The following ZNF667 variants were observed in gnomAD, a reference collection of about 807,000 sequenced individuals.
ZNF667 encodes the protein zinc finger protein 667, also known as myocardial ischemic preconditioning upregulated 1 ortholog.
In ZNF667, 13 loss-of-function variants were observed where a neutral mutation model predicts 31.8. That is an observed-to-expected ratio of 0.41 (90% CI 0.27 to 0.65). The LOEUF (loss-of-function observed/expected upper bound fraction) is 0.65, where lower values mean the gene tolerates loss of function less well. ZNF667 is among the 30% of genes least tolerant of loss of function. ZNF667 has a pLI of 0.32. For synonymous variants in ZNF667, 228 were observed against 247.1 expected (o/e 0.92, Z 0.73); for missense variants, 642 against 725.6 (o/e 0.88, Z 1.32).
intron 6 of ZNF667, among the ~76,000 whole-genome samples, chr19:56,457,488 G>A (rs2042958197): frequency 6.6e-6 from 1 of 152,086 alleles, no homozygotes; most frequent in Non-Finnish European, 1.5e-5. Flanking sequence ...AAACCTCTCT[G>A]GGCCTGTTTG....
At position 56,440,842 on chromosome 19, in the gene ZNF667, C is replaced by T; in HGVS notation, c.*320G>A. On this transcript the variant is annotated 3_prime_UTR_variant, in exon 7 of 7. Coordinates refer to ENST00000504904, the MANE Select transcript of ZNF667 (RefSeq NM_001321356.2). Reference sequence around the variant, plus strand: ...AGTAGAGACAGGGTTTCACCGTGGTCTCAAACTCTTGACCTCGTGATCCGC... The same window carrying T: ...AGTAGAGACAGGGTTTCACCGTGGTTTCAAACTCTTGACCTCGTGATCCGC... 1.0e-6 allele frequency: 1 copy of T among 966,692 alleles called. No individual in the cohort carries two copies. The highest frequency in any genetic ancestry group is 1.3e-6 in the Non-Finnish European group (1 of 779,474). The allele number at this position is 966,692 out of a possible 1,614,324, so 59.9% of individuals were successfully genotyped here.
Position 56,440,837 on chromosome 19 carries a change from G to A in ZNF667, c.*325C>T, listed in dbSNP as rs1309531890. ...TTTTTAGTAGAGACAGGGTTTCACC[G>A]TGGTCTCAAACTCTTGACCTCGTGA... On this transcript the variant is annotated 3_prime_UTR_variant, in exon 7 of 7. Transcript: ENST00000504904. The A allele has an allele frequency of 1.6e-5, 14 of 881,882 alleles. No individual in the cohort carries two copies. The highest frequency in any genetic ancestry group is 1.4e-4 in the Admixed American group (3 of 21,122). 54.6% of individuals were successfully genotyped at this position (881,882 alleles called of 1,614,324 possible). A position where few individuals can be genotyped will look rare whatever the true frequency, so the allele number is the denominator to read the frequency against.
intron 6 of ZNF667, among the ~76,000 whole-genome samples, chr19:56,449,817 C>G (rs2042783346): frequency 6.6e-6 from 1 of 151,504 alleles, no homozygotes; most frequent in South Asian, 2.1e-4. Context: ...AGCAGAAATT[C>G]TGGAGCTGAA....
intron 6 of ZNF667, chr19:56,449,217 A>C: frequency 2.5e-6 from 1 of 401,406 alleles, no homozygotes; most frequent in Non-Finnish European, 4.9e-6. Flanking sequence ...CAGACTACAA[A>C]GATAAGAATA....
chr19:56,467,975 T>C (rs1022812637), intron 3 of ZNF667: 8 of 152,216 alleles, frequency 5.3e-5, no homozygotes, highest in African/African-American at 1.9e-4. Context: ...CCTTTAGTCT[T>C]TCTCCCCTCC....
In ZNF667 at chr19:56,440,799, G is replaced by T; in HGVS notation, c.*363C>A. 1 of 646,378 alleles carries T rather than the reference G, an allele frequency of 1.5e-6. No homozygotes were observed. The highest frequency in any genetic ancestry group is 2.0e-6 in the Non-Finnish European group (1 of 501,894). 40.0% of individuals were successfully genotyped at this position (646,378 alleles called of 1,614,324 possible). ...TTACAGGTGCGCACCACCACGCCCA[G>T]CTAATTTTGTATTTTTTAGTAGAGA... On this transcript the variant is annotated 3_prime_UTR_variant, in exon 7 of 7. Coordinates refer to ENST00000504904, the MANE Select transcript of ZNF667 (RefSeq NM_001321356.2).
chr19:56,442,624 C>T lies in ZNF667; in HGVS notation c.371G>A (p.Gly124Asp). Residue 124 changes from glycine to aspartate, a missense_variant, in exon 7 of 7, where the codon GGC (glycine) becomes GAC (aspartate). Physicochemically the swap from Gly to Asp is moderately conservative, Grantham distance 94. Coordinates refer to ENST00000504904, the MANE Select transcript of ZNF667 (RefSeq NM_001321356.2). Reference sequence around the variant, plus strand: ...TACTAGGACTGAATTTTTGTTGCAGCCACTCTTTCGTGTAGGAGCTTTTTG... The same window carrying T: ...TACTAGGACTGAATTTTTGTTGCAGTCACTCTTTCGTGTAGGAGCTTTTTG... ...AQQKAPTRKS[G>D]CNKNSVLVKP... 3 of 1,613,862 alleles carry T rather than the reference C, an allele frequency of 1.9e-6. No homozygotes were observed. Among genetic ancestry groups the T allele is most frequent in the Non-Finnish European group, 2.5e-6 (3 of 1,179,880 alleles).
chr19:56,469,199 G>C (rs1369420210), intron 3 of ZNF667, among the ~76,000 whole-genome samples: 1 of 152,218 alleles, frequency 6.6e-6, no homozygotes, highest in Non-Finnish European at 1.5e-5. Flanking sequence ...AAGGAGCGCT[G>C]AAACATCAGC....
intron 5 of ZNF667, among the ~76,000 whole-genome samples, chr19:56,459,885 G>A (rs1356055358): frequency 1.3e-5 from 2 of 152,042 alleles, no homozygotes; most frequent in South Asian, 4.1e-4. Context: ...CCAGCTACTC[G>A]AGAGACTGAG....
Position 56,441,486 on chromosome 19 carries a change from C to A in ZNF667, c.1509G>T (p.Gln503His). The A allele has an allele frequency of 1.2e-6, 2 of 1,614,092 alleles. No individual in the cohort carries two copies. Among genetic ancestry groups the A allele is most frequent in the South Asian group, 1.1e-5 (1 of 91,078 alleles). ...CACTCTGGCTGAAGGCCTTCCCACACTGATCACATTCATAGGGTCTATCTT... is the reference window on the plus strand; with the variant it reads ...CACTCTGGCTGAAGGCCTTCCCACAATGATCACATTCATAGGGTCTATCTT... ...HTEDRPYECD[Q>H]CGKAFSQSAH... Residue 503 changes from glutamine to histidine, a missense_variant, in exon 7 of 7, where the codon CAG becomes CAT. Gln to His is a conservative substitution (Grantham distance 24, BLOSUM62 0). Coordinates refer to ENST00000504904, the MANE Select transcript of ZNF667 (RefSeq NM_001321356.2). The surrounding 1 kb of genome is among the most constrained non-coding windows in gnomAD (Gnocchi z 4.2).
chr19:56,471,276 T>C (rs1205889874), intron 3 of ZNF667, among the ~76,000 whole-genome samples: 1 of 152,178 alleles, frequency 6.6e-6, no homozygotes, highest in Non-Finnish European at 1.5e-5. Flanking sequence ...CTGTACAACC[T>C]GCAGAACCGT....
At chr19:56,472,929 A>T (rs2043324140) in intron 2 of ZNF667, 1 of 152,196 alleles carries the variant, frequency 6.6e-6, no homozygotes, top group Non-Finnish European at 1.5e-5. Flanking sequence ...GACCCACTAA[A>T]AAGGCTGAGA....
intron 6 of ZNF667, among the ~76,000 whole-genome samples, chr19:56,457,747 C>T (rs2042964045): frequency 6.6e-6 from 1 of 152,184 alleles, no homozygotes; most frequent in Non-Finnish European, 1.5e-5. Context: ...TGCAGAACAC[C>T]TGCCTCTATG....
intron 6 of ZNF667, among the ~76,000 whole-genome samples, chr19:56,448,936 C>T (rs1276195419): frequency 6.6e-6 from 1 of 152,136 alleles, no homozygotes; most frequent in African/African-American, 2.4e-5. Context: ...ATCATCCCTT[C>T]CCCAACTCTA....
At chr19:56,470,780 AC>A (rs2043276023) in intron 3 of ZNF667, among the ~76,000 whole-genome samples, 1 of 152,116 alleles carries the variant, frequency 6.6e-6, no homozygotes, top group Non-Finnish European at 1.5e-5. Context: ...TTCGATTCTG[AC>A]TTTTCTGAGC....
chr19:56,457,323 C>T (rs528366428), intron 6 of ZNF667, among the ~76,000 whole-genome samples: 30 of 151,828 alleles, frequency 2.0e-4, no homozygotes, highest in East Asian at 1.7e-3. Context: ...AAAGGAAATA[C>T]GAAAGCAGAG....
chr19:56,455,437 A>G (rs1451281042), intron 6 of ZNF667, among the ~76,000 whole-genome samples: 3 of 152,240 alleles, frequency 2.0e-5, no homozygotes, highest in Non-Finnish European at 4.4e-5. Context: ...AGTAGTATTT[A>G]GCCATAAAAA....
chr19:56,466,893 G>T, intron 3 of ZNF667: 1 of 416,632 alleles, frequency 2.4e-6, no homozygotes, highest in Non-Finnish European at 4.8e-6. Context: ...GCTCCTTACA[G>T]TTTCCCATTC....
At chr19:56,476,375 C>G (rs575704298) in intron 1 of ZNF667, among the ~76,000 whole-genome samples, 1 of 152,126 alleles carries the variant, frequency 6.6e-6, no homozygotes, top group East Asian at 1.9e-4. Context: ...GTCAGATGCC[C>G]TGGTATGTGG....
Sources: allele counts gnomAD v4.1 joint callset (sites outside exome capture counted in the v4.1 genomes callset), GRCh38; gene constraint gnomAD v4.1.1; non-coding constraint Gnocchi (gnomAD v3.1); transcripts MANE v1.5; gene names NCBI Gene and HGNC (gene_info 2026-07-23, HGNC 2026-07-21).